Variants in HNRNPUL1 observed in about 807,000 individuals in gnomAD.
HNRNPUL1 encodes the protein heterogeneous nuclear ribonucleoprotein U like 1.
In HNRNPUL1, 14 loss-of-function variants were observed where a neutral mutation model predicts 108.5. The ratio of observed to expected loss-of-function variants is 0.13; its 90% confidence interval spans 0.09 to 0.20. The LOEUF (loss-of-function observed/expected upper bound fraction) is 0.20, where lower values mean the gene tolerates loss of function less well. HNRNPUL1 is among the 10% of genes least tolerant of loss of function. The probability of loss-of-function intolerance (pLI) is 1.00; values close to 1 mark genes in which losing one functional copy is unlikely to be tolerated. For missense variants in HNRNPUL1, 804 were observed against 1,168.3 expected, an observed-to-expected ratio of 0.69 and a Z score of 4.55; for synonymous variants, 422 against 445.2, an observed-to-expected ratio of 0.95 and a Z score of 0.66.
intron 5 of HNRNPUL1, among the ~76,000 whole-genome samples, chr19:41,277,296 CT>C (rs1292295069): frequency 5.3e-5 from 8 of 152,076 alleles, no homozygotes; most frequent in Non-Finnish European, 8.8e-5. Flanking sequence ...CAGCACCAAG[CT>C]CTTTACATGG....
At chr19:41,297,331 CAG>C (rs574592501) in intron 10 of HNRNPUL1, among the ~76,000 whole-genome samples, 2 of 152,112 alleles carry the variant, frequency 1.3e-5, no homozygotes, top group South Asian at 4.2e-4. Context: ...AGTCGGGGCA[CAG>C]AGGATGATTA....
Position 41,264,608 on chromosome 19 carries a change from G to A in HNRNPUL1, c.105G>A (p.Ala35=). 6.3e-7 allele frequency: 1 copy of A among 1,579,600 alleles called. No individual in the cohort carries two copies. The highest frequency in any genetic ancestry group is 1.1e-5 in the South Asian group (1 of 88,464). Residue 35 remains alanine, a synonymous_variant, in exon 1 of 15, where the codon GCG becomes GCA. Transcript: ENST00000392006. The part of the protein sequence containing the change: ...LKAELAERLQ[A]ALEAEEPDDE... ...CCGAGCTTGCTGAGCGGCTGCAGGC[G>A]GCGTTGGAGGCCGAGGAGCCTGACG...
chr19:41,291,860 A>G, intron 7 of HNRNPUL1: 1 of 199,904 alleles, frequency 5.0e-6, no homozygotes, highest in African/African-American at 2.3e-5. Context: ...ACATGCCTGT[A>G]GTCCCAGCTA....
At chr19:41,305,556 G>A (rs1233421389) in intron 13 of HNRNPUL1, 120 bp from the exon 14 acceptor site, 1 of 1,219,380 alleles carries the variant, frequency 8.2e-7, no homozygotes, top group Non-Finnish European at 1.2e-6. Context: ...TGTCCACTAG[G>A]CAAGGGAAGG....
At chr19:41,266,337 G>T (rs1349101783) in intron 1 of HNRNPUL1, among the ~76,000 whole-genome samples, 1 of 152,132 alleles carries the variant, frequency 6.6e-6, no homozygotes, top group Non-Finnish European at 1.5e-5. Flanking sequence ...GGAGGCTGAG[G>T]CAGGAGAATC....
intron 4 of HNRNPUL1, among the ~76,000 whole-genome samples, chr19:41,275,869 G>A (rs751419841): frequency 5.9e-5 from 9 of 152,142 alleles, no homozygotes; most frequent in East Asian, 1.9e-4. Flanking sequence ...TTGGGAGGCC[G>A]AGGCAGGTGG....
In HNRNPUL1 at chr19:41,302,753, G is replaced by T. The variant is rs1568459846; in HGVS notation, c.1776G>T (p.Arg592Ser). 1.9e-6 allele frequency: 3 copies of T among 1,614,166 alleles called. No individual in the cohort carries two copies. Among genetic ancestry groups the T allele is most frequent in the East Asian group, 4.5e-5 (2 of 44,874 alleles). ...LQREEADKLVRQYNEEGRKAG... is the reference protein window; with the variant it reads ...LQREEADKLVSQYNEEGRKAG... ...GGGAGGAAGCGGACAAGCTAGTGAG[G>T]CAGTACAACGAGGAAGGCCGCAAGG... Residue 592 changes from arginine (R) to serine (S), a missense_variant, in exon 12 of 15, where the codon AGG (arginine) becomes AGT (serine). Physicochemically the swap from Arg to Ser is moderately radical, Grantham distance 110 (BLOSUM62 -1). Transcript: ENST00000392006.
chr19:41,298,079 C>T (rs1173968112), intron 10 of HNRNPUL1, among the ~76,000 whole-genome samples: 3 of 152,180 alleles, frequency 2.0e-5, no homozygotes, highest in Admixed American at 2.0e-4. Context: ...TCAGATCTAG[C>T]TAGGTTTCTC....
Position 41,264,485 on chromosome 19 carries a change from C to A in HNRNPUL1, c.-19C>A. ...GGGAGGCCGGGCCGGGCTCGGGGGC[C>A]ACCCCGGGGGCCCGGGCCATGGATG... On this transcript the variant is annotated 5_prime_UTR_variant, in exon 1 of 15. Transcript: ENST00000392006. The A allele has an allele frequency of 7.4e-7, 1 of 1,348,872 alleles. No homozygotes were observed. The highest frequency in any genetic ancestry group is 3.0e-5 in the East Asian group (1 of 33,068). The allele number at this position is 1,348,872 out of a possible 1,614,324, so 83.6% of individuals were successfully genotyped here.
chr19:41,303,093 A>C lies in HNRNPUL1; in HGVS notation c.1972+144A>C, dbSNP rs1371099733. On this transcript the variant is annotated intron_variant, in intron 12 of 14. Transcript: ENST00000392006. ...GTAGAAAACTTGAAACAAGTCAGAC[A>C]CGGAGACCTCAGAAACGCTCCCACT... 7 of 954,856 alleles carry C rather than the reference A, an allele frequency of 7.3e-6. 1 individual carries two copies. Among genetic ancestry groups the C allele is most frequent in the Non-Finnish European group, 8.9e-6 (6 of 675,224 alleles). 59.1% of individuals were successfully genotyped at this position (954,856 alleles called of 1,614,324 possible).
intron 7 of HNRNPUL1, among the ~76,000 whole-genome samples, chr19:41,290,668 C>T (rs188100669): frequency 1.3e-5 from 2 of 152,204 alleles, no homozygotes; most frequent in Admixed American, 1.3e-4. Context: ...ATATTATTAC[C>T]CCGCCCCCCT....
At position 41,301,637 on chromosome 19, in the gene HNRNPUL1, C is replaced by T. The variant is rs1568458438; in HGVS notation, c.1620C>T (p.Asp540=). 2 of 1,614,074 alleles carry T rather than the reference C, an allele frequency of 1.2e-6. No individual in the cohort carries two copies. The highest frequency in any genetic ancestry group is 1.7e-6 in the Non-Finnish European group (2 of 1,179,998). ...GTCCCACTGACGAGGACCTAAAAGACCGAACAATAAAGCGAACCGACGAGG... is the reference window on the plus strand; with the variant it reads ...GTCCCACTGACGAGGACCTAAAAGATCGAACAATAAAGCGAACCGACGAGG... The part of the protein sequence containing the change: ...VICPTDEDLK[D]RTIKRTDEEG... Residue 540 remains aspartate, a synonymous_variant, in exon 11 of 15, where the codon GAC becomes GAT. Transcript: ENST00000392006.
intron 6 of HNRNPUL1, among the ~76,000 whole-genome samples, chr19:41,280,553 A>G (rs562417372): frequency 7.2e-5 from 11 of 152,316 alleles, no homozygotes; most frequent in Non-Finnish European, 1.5e-4. Context: ...ATCCAGGGTC[A>G]CATAGCTGGT....
At chr19:41,305,552 C>A in intron 13 of HNRNPUL1, 124 bp from the exon 14 acceptor site, 1 of 1,183,608 alleles carries the variant, frequency 8.4e-7, no homozygotes, top group Non-Finnish European at 1.2e-6. Context: ...ACAATGTCCA[C>A]TAGGCAAGGG....
chr19:41,276,139 G>C lies in HNRNPUL1; in HGVS notation c.647-20G>C, dbSNP rs751074290. ...AACAAAATAAAAACATCAGCCAACT[G>C]TGGGCATTTTCCTTCACAGATAACT... On this transcript the variant is annotated intron_variant, in intron 4 of 14. Coordinates refer to ENST00000392006, the MANE Select transcript of HNRNPUL1 (RefSeq NM_007040.6). The C allele has an allele frequency of 6.2e-7, 1 of 1,613,780 alleles. No individual in the cohort carries two copies. The highest frequency in any genetic ancestry group is 1.7e-5 in the Admixed American group (1 of 59,992).
Position 41,269,986 on chromosome 19 carries a change from C to CT in HNRNPUL1, c.418+1654dup, listed in dbSNP as rs918753762. 4.5e-3 allele frequency among the ~76,000 whole-genome samples: 655 copies of CT among 144,952 alleles called. 2 individuals are homozygous for CT. The highest frequency in any genetic ancestry group is 0.011 in the African/African-American group (455 of 39,882). On this transcript the variant is annotated intron_variant, in intron 2 of 14. Coordinates refer to ENST00000392006, the MANE Select transcript of HNRNPUL1 (RefSeq NM_007040.6). ...GCACAATCCTATAGCCCCAGCTACTCTTTTTTTTTTTTTGAGACGAAGTCT... is the reference window on the plus strand; with the variant it reads ...GCACAATCCTATAGCCCCAGCTACTCTTTTTTTTTTTTTTGAGACGAAGTCT...
rs760978783 is a variant in HNRNPUL1 at position 41,292,556 on chromosome 19, CAGAGG to C, written c.1266+49_1266+53del. The C allele has an allele frequency of 1.9e-6, 3 of 1,581,618 alleles. No individual in the cohort carries two copies. In the East Asian group the frequency reaches 6.8e-5, roughly 36 times the overall value. ...ATTGGTGGCCACCTTGCTGCCAAGA[CAGAGG>C]AGACACACACACACACACACACACA... On this transcript the variant is annotated intron_variant, in intron 8 of 14. Coordinates refer to ENST00000392006, the MANE Select transcript of HNRNPUL1 (RefSeq NM_007040.6). This position sits in a 1 kb window ranked among gnomAD's most constrained non-coding sequence, Gnocchi z 4.1.
intron 6 of HNRNPUL1, among the ~76,000 whole-genome samples, chr19:41,280,367 A>G (rs950046347): frequency 6.6e-6 from 1 of 152,150 alleles, no homozygotes; most frequent in Non-Finnish European, 1.5e-5. Flanking sequence ...TACCTCCTCA[A>G]AAAGGTAGAT....
chr19:41,272,443 C>A, intron 3 of HNRNPUL1: 2 of 521,624 alleles, frequency 3.8e-6, no homozygotes, highest in Non-Finnish European at 3.4e-6. Context: ...TTCTTACCTG[C>A]AGGGTAACTT....
Sources: gnomAD v4.1 joint callset for allele counts (sites outside exome capture counted in the v4.1 genomes callset) on GRCh38, gnomAD v4.1.1 for gene constraint, Gnocchi (gnomAD v3.1) non-coding constraint, MANE v1.5 for transcripts, NCBI Gene and HGNC (gene_info 2026-07-23, HGNC 2026-07-21) for gene names.